STXBP5L: variants seen among roughly 807,000 people sequenced by gnomAD.
STXBP5L encodes syntaxin binding protein 5L, also known as syntaxin-binding protein 5-like.
A neutral mutation model predicts 144.5 loss-of-function variants in STXBP5L; 65 were observed. That is an observed-to-expected ratio of 0.45 (90% CI 0.37 to 0.55). The LOEUF (loss-of-function observed/expected upper bound fraction) is 0.55. Ranked by LOEUF, STXBP5L falls within the 20% of genes least tolerant of loss-of-function variation. The pLI is 0.00. For synonymous variants in STXBP5L, 505 were observed against 469.6 expected, an observed-to-expected ratio of 1.08 and a Z score of -0.97; for missense variants, 1,298 against 1,405.5, an observed-to-expected ratio of 0.92 and a Z score of 1.22.
At chr3:121,301,607 C>G (rs1425415602) in intron 19 of STXBP5L, among the ~76,000 whole-genome samples, 1 of 152,210 alleles carries the variant, frequency 6.6e-6, no homozygotes, top group African/African-American at 2.4e-5. Flanking sequence ...TGAGAGAGGG[C>G]ATCCCTGTCT....
At chr3:121,063,836 T>TC (rs1240678193) in intron 5 of STXBP5L, among the ~76,000 whole-genome samples, 1 of 151,628 alleles carries the variant, frequency 6.6e-6, no homozygotes, top group Non-Finnish European at 1.5e-5. Context: ...AGGACGCCCC[T>TC]CCCCCCACCA....
chr3:121,328,465 A>T (rs2108552242), intron 20 of STXBP5L, among the ~76,000 whole-genome samples: 1 of 152,290 alleles, frequency 6.6e-6, no homozygotes, highest in African/African-American at 2.4e-5. Flanking sequence ...ACTAGGCTTC[A>T]CGGCTGGGCC....
At chr3:121,134,367 G>A (rs2045143085) in intron 7 of STXBP5L, among the ~76,000 whole-genome samples, 1 of 151,968 alleles carries the variant, frequency 6.6e-6, no homozygotes, top group African/African-American at 2.4e-5. Flanking sequence ...ACCTCTTAAA[G>A]GCTCCACTTG....
intron 19 of STXBP5L, among the ~76,000 whole-genome samples, chr3:121,309,539 G>A (rs542831012): frequency 6.6e-6 from 1 of 151,994 alleles, no homozygotes; most frequent in South Asian, 2.1e-4. Context: ...AATAATAATT[G>A]TTGGAAATTT....
chr3:121,210,442 C>T (rs2048515478), intron 10 of STXBP5L, among the ~76,000 whole-genome samples: 1 of 151,930 alleles, frequency 6.6e-6, no homozygotes, highest in African/African-American at 2.4e-5. Flanking sequence ...TAATTAGATC[C>T]CATTTGTCAG....
chr3:121,235,002 A>T (rs114954874), intron 12 of STXBP5L, among the ~76,000 whole-genome samples: 1,983 of 151,194 alleles, frequency 0.013, 32 homozygotes, highest in African/African-American at 0.035. Flanking sequence ...ATATATATAT[A>T]TTTTTTTATT....
At chr3:120,986,153 G>T (rs1276362104) in intron 3 of STXBP5L, among the ~76,000 whole-genome samples, 1 of 151,736 alleles carries the variant, frequency 6.6e-6, no homozygotes, top group Non-Finnish European at 1.5e-5. Context: ...TGATCAATTG[G>T]TTGTTTAACA....
intron 3 of STXBP5L, among the ~76,000 whole-genome samples, chr3:121,031,999 A>G (rs879908954): frequency 6.6e-6 from 1 of 152,122 alleles, no homozygotes; most frequent in Non-Finnish European, 1.5e-5. Flanking sequence ...CGTGCTAAGT[A>G]TAAGATTTTT....
chr3:121,043,537 C>T (rs1474551237), intron 4 of STXBP5L, among the ~76,000 whole-genome samples: 4 of 152,018 alleles, frequency 2.6e-5, no homozygotes, highest in African/African-American at 7.2e-5. Context: ...GGTGAAACCC[C>T]GTCTCTACTA....
chr3:120,974,735 A>G (rs1266567526), intron 3 of STXBP5L, among the ~76,000 whole-genome samples: 8 of 151,994 alleles, frequency 5.3e-5, no homozygotes, highest in South Asian at 4.2e-4. Context: ...TGTAAGGAAG[A>G]GATCCAGTTT....
chr3:121,362,193 A>G (rs2045731294), intron 20 of STXBP5L, among the ~76,000 whole-genome samples: 1 of 152,122 alleles, frequency 6.6e-6, no homozygotes, highest in Non-Finnish European at 1.5e-5. Context: ...GTGAAGTGAC[A>G]CCCTTGTGGC....
chr3:121,385,858 T>C (rs1158627831), intron 22 of STXBP5L, among the ~76,000 whole-genome samples: 3 of 152,186 alleles, frequency 2.0e-5, no homozygotes, highest in African/African-American at 7.2e-5. Context: ...AGTAAATTAA[T>C]TTATATAAAT....
chr3:121,281,229 T>C (rs892130324), intron 19 of STXBP5L, among the ~76,000 whole-genome samples: 3 of 151,930 alleles, frequency 2.0e-5, no homozygotes, highest in Admixed American at 6.6e-5. Context: ...TTTAGACCCT[T>C]TTGAGGGGCA....
chr3:120,983,812 C>T (rs1393782592), intron 3 of STXBP5L, among the ~76,000 whole-genome samples: 1 of 152,134 alleles, frequency 6.6e-6, no homozygotes, highest in Non-Finnish European at 1.5e-5. Flanking sequence ...TGATTCTTGT[C>T]ACTTCTCTGT....
rs2046772502 is a variant in STXBP5L, at chr3:121,397,906, AG to A, written c.2588-9336del. ...GGTTGAATTGGCCACGCAGACAGCC[AG>A]TGCTGTAGAGAAATGATTGAAATGT... On this transcript the variant is annotated intron_variant, in intron 22 of 26. Transcript: ENST00000471454. Among the ~76,000 whole-genome samples the A allele has an allele frequency of 2.0e-5, 3 of 152,244 alleles. No homozygotes were observed. The South Asian group carries it at 6.2e-4, about 31-fold the overall frequency.
intron 24 of STXBP5L, among the ~76,000 whole-genome samples, chr3:121,414,061 G>C (rs1014571145): frequency 6.6e-6 from 1 of 152,094 alleles, no homozygotes; most frequent in African/African-American, 2.4e-5. Context: ...TCATATAAAA[G>C]ACTGAGCTCA....
intron 2 of STXBP5L, among the ~76,000 whole-genome samples, chr3:120,931,988 A>G (rs1709966666): frequency 6.6e-6 from 1 of 152,182 alleles, no homozygotes; most frequent in Non-Finnish European, 1.5e-5. Context: ...ACAAACCTAT[A>G]TGGCATAGCC....
chr3:121,333,492 C>T (rs901047138), intron 20 of STXBP5L, among the ~76,000 whole-genome samples: 2 of 150,938 alleles, frequency 1.3e-5, no homozygotes, highest in Non-Finnish European at 3.0e-5. Context: ...CAAACCAACC[C>T]CAAAGCAGAA....
chr3:121,338,939 A>G (rs959263436), intron 20 of STXBP5L, among the ~76,000 whole-genome samples: 1 of 152,162 alleles, frequency 6.6e-6, no homozygotes, highest in Non-Finnish European at 1.5e-5. Context: ...GCCAAGGGCC[A>G]TACAAATTCA....
Sources: allele counts gnomAD v4.1 joint callset (sites outside exome capture counted in the v4.1 genomes callset), GRCh38; gene constraint gnomAD v4.1.1; transcripts MANE v1.5; gene names NCBI Gene and HGNC (gene_info 2026-07-23, HGNC 2026-07-21).